The following FAM171B variants were observed in gnomAD, a reference collection of about 807,000 sequenced individuals.
FAM171B encodes the protein protein FAM171B.
Under a neutral mutation model 75.6 loss-of-function variants are expected in FAM171B, and 19 were observed. The ratio of observed to expected loss-of-function variants is 0.25; its 90% CI spans 0.18 to 0.37. FAM171B has a LOEUF of 0.37. Ranked by LOEUF, FAM171B falls within the 10% of genes least tolerant of loss-of-function variation. The probability of loss-of-function intolerance (pLI) is 1.00; values close to 1 mark genes in which losing one functional copy is unlikely to be tolerated. For missense variants in FAM171B, 848 were observed against 982.4 expected, an observed-to-expected ratio of 0.86 and a Z score of 1.83; for synonymous variants, 367 against 361.7, an observed-to-expected ratio of 1.01 and a Z score of -0.17.
At chr2:186,708,812 A>G (rs1689770022) in intron 1 of FAM171B, among the ~76,000 whole-genome samples, 1 of 152,212 alleles carries the variant, frequency 6.6e-6, no homozygotes, top group Non-Finnish European at 1.5e-5. Context: ...AATGTAACCC[A>G]GCAATACGTT....
At chr2:186,758,579 T>A (rs1690568238) in intron 6 of FAM171B, among the ~76,000 whole-genome samples, 1 of 152,126 alleles carries the variant, frequency 6.6e-6, no homozygotes, top group Non-Finnish European at 1.5e-5. Context: ...AGTAGATTTA[T>A]TATATAGCTT....
At chr2:186,733,194 A>G (rs10165992) in intron 1 of FAM171B, among the ~76,000 whole-genome samples, 65,614 of 152,026 alleles carry the variant, frequency 0.43, 14,548 homozygotes, top group East Asian at 0.73. Flanking sequence ...AATCAATAAA[A>G]TGGATTTGAT....
intron 6 of FAM171B, among the ~76,000 whole-genome samples, chr2:186,757,998 C>T (rs1270488195): frequency 6.6e-6 from 1 of 152,178 alleles, no homozygotes; most frequent in Middle Eastern, 3.2e-3. Context: ...TCATATTGTA[C>T]AGTGCTGTGC....
chr2:186,727,179 CTT>C (rs1559085939), intron 1 of FAM171B, among the ~76,000 whole-genome samples: 8 of 152,020 alleles, frequency 5.3e-5, no homozygotes. Context: ...AAGAACCTGA[CTT>C]TTGCAGAGAG....
At chr2:186,730,990 A>C (rs1690105746) in intron 1 of FAM171B, among the ~76,000 whole-genome samples, 1 of 152,240 alleles carries the variant, frequency 6.6e-6, no homozygotes. Flanking sequence ...GAGCCATTGT[A>C]GGTACATTTG....
chr2:186,704,529 A>T (rs1231726470), intron 1 of FAM171B, among the ~76,000 whole-genome samples: 1 of 152,156 alleles, frequency 6.6e-6, no homozygotes, highest in African/African-American at 2.4e-5. Context: ...CTTTTAAGGT[A>T]GACACCCTTA....
Position 186,763,514 on chromosome 2 carries a change from A to G in FAM171B, c.*691A>G, listed in dbSNP as rs1690654738. On this transcript the variant is annotated 3_prime_UTR_variant, in exon 8 of 8. Coordinates refer to ENST00000304698, the MANE Select transcript of FAM171B (RefSeq NM_177454.4). ...GTTAATTTAGAAATTTGAGAAATTAATGCTCTAATACTGAGTTTTTATTTA... is the reference window on the plus strand; with the variant it reads ...GTTAATTTAGAAATTTGAGAAATTAGTGCTCTAATACTGAGTTTTTATTTA... 2 of 152,124 alleles carry G rather than the reference A, an allele frequency of 1.3e-5. No individual in the cohort carries two copies. Among genetic ancestry groups the G allele is most frequent in the African/African-American group, 4.8e-5 (2 of 41,456 alleles). 9.4% of individuals were successfully genotyped at this position (152,124 alleles called of 1,614,324 possible). A position where few individuals can be genotyped will look rare whatever the true frequency, so the allele number is the denominator to read the frequency against.
At chr2:186,747,308 A>G (rs1335880718) in intron 4 of FAM171B, 58 bp downstream of exon 4, 1 of 1,230,436 alleles carries the variant, frequency 8.1e-7, no homozygotes, top group Non-Finnish European at 1.1e-6. Context: ...CAAATCTTTC[A>G]TCAAATATTT....
At chr2:186,729,860 T>C (rs1690088172) in intron 1 of FAM171B, among the ~76,000 whole-genome samples, 1 of 152,164 alleles carries the variant, frequency 6.6e-6, no homozygotes. Flanking sequence ...TCAATAAGAG[T>C]TAATGTGGTA....
intron 3 of FAM171B, among the ~76,000 whole-genome samples, chr2:186,745,830 C>T (rs1690357626): frequency 6.6e-6 from 1 of 152,164 alleles, no homozygotes; most frequent in South Asian, 2.1e-4. Context: ...TTTAAAAGAG[C>T]AAGTCATAGG....
At chr2:186,754,761 A>G (rs1264289914) in intron 6 of FAM171B, among the ~76,000 whole-genome samples, 1 of 152,214 alleles carries the variant, frequency 6.6e-6, no homozygotes, top group East Asian at 1.9e-4. Context: ...CACAGGCTGT[A>G]TGCAACCTAA....
At chr2:186,710,331 C>G (rs991201951) in intron 1 of FAM171B, among the ~76,000 whole-genome samples, 7 of 152,182 alleles carry the variant, frequency 4.6e-5, no homozygotes, top group Non-Finnish European at 7.3e-5. Context: ...ATGCCACTTG[C>G]ACCACCATTC....
rs1239527038 is a variant in FAM171B at position 186,762,120 on chromosome 2, C to T, written c.1778C>T (p.Ser593Phe). 6.2e-7 allele frequency: 1 copy of T among 1,613,574 alleles called. No individual in the cohort carries two copies. Among genetic ancestry groups the T allele is most frequent in the Non-Finnish European group, 8.5e-7 (1 of 1,179,792 alleles). ...TQTLPKMPIH[S>F]HAQPPDAREE... The stretch of plus-strand genomic sequence containing the variant: ...ACCTTGCCCAAAATGCCAATTCATT[C>T]TCATGCACAGCCCCCAGATGCCAGG... Residue 593 changes from serine to phenylalanine, a missense_variant, in exon 8 of 8, where the codon TCT (serine) becomes TTT (phenylalanine). Transcript: ENST00000304698. This position sits in a 1 kb window ranked among gnomAD's most constrained non-coding sequence, Gnocchi z 4.0.
chr2:186,750,304 G>A (rs563582486), intron 4 of FAM171B, among the ~76,000 whole-genome samples: 119 of 152,110 alleles, frequency 7.8e-4, no homozygotes, highest in Admixed American at 9.2e-4. Context: ...CCCTCTCTCC[G>A]CCCAGAGTAA....
intron 1 of FAM171B, among the ~76,000 whole-genome samples, chr2:186,722,780 C>T (rs1376006620): frequency 6.6e-6 from 1 of 152,134 alleles, no homozygotes; most frequent in Non-Finnish European, 1.5e-5. Flanking sequence ...TATCTTAAAG[C>T]TCATTCTATT....
At chr2:186,726,644 T>C (rs1303588574) in intron 1 of FAM171B, among the ~76,000 whole-genome samples, 1 of 152,120 alleles carries the variant, frequency 6.6e-6, no homozygotes, top group Non-Finnish European at 1.5e-5. Flanking sequence ...GTAGTAAAAA[T>C]AAAATTTTTA....
Position 186,762,109 on chromosome 2 carries a change from G to A in FAM171B, c.1767G>A (p.Met589Ile). ...ACTTTACGCAGACCTTGCCCAAAAT[G>A]CCAATTCATTCTCATGCACAGCCCC... ...RENFTQTLPK[M>I]PIHSHAQPPD... The change falls in exon 8 of 8, where the codon ATG becomes ATA. Residue 589 changes from methionine to isoleucine, a missense_variant. This residue lies in a region of FAM171B where 665 missense variants were observed against 729.0 expected (regional missense o/e 0.91). Transcript: ENST00000304698. The surrounding 1 kb of genome is among the most constrained non-coding windows in gnomAD (Gnocchi z 4.0). 1 of 1,613,666 alleles carries A rather than the reference G, an allele frequency of 6.2e-7. No homozygotes were observed. The highest frequency in any genetic ancestry group is 8.5e-7 in the Non-Finnish European group (1 of 1,179,774).
At chr2:186,715,689 T>C (rs938906137) in intron 1 of FAM171B, among the ~76,000 whole-genome samples, 1 of 152,196 alleles carries the variant, frequency 6.6e-6, no homozygotes, top group African/African-American at 2.4e-5. Context: ...TTACCTGCTT[T>C]TTGATTACCG....
At chr2:186,758,254 AG>A (rs538398015) in intron 6 of FAM171B, among the ~76,000 whole-genome samples, 22 of 152,316 alleles carry the variant, frequency 1.4e-4, no homozygotes, top group African/African-American at 5.1e-4. Context: ...TAGATACAAA[AG>A]AAATGAAACT....
Sources: allele counts gnomAD v4.1 joint callset (sites outside exome capture counted in the v4.1 genomes callset), GRCh38; gene constraint gnomAD v4.1.1; regional missense constraint gnomAD v4.1.1; non-coding constraint Gnocchi (gnomAD v3.1); transcripts MANE v1.5; gene names NCBI Gene and HGNC (gene_info 2026-07-23, HGNC 2026-07-21).